The following MAGI2 variants were observed in gnomAD, a reference collection of about 807,000 sequenced individuals.
MAGI2 encodes the protein membrane associated guanylate kinase, WW and PDZ domain containing 2.
A neutral mutation model predicts 133.3 loss-of-function variants in MAGI2; 35 were observed. The ratio of observed to expected loss-of-function variants is 0.26; its 90% CI spans 0.20 to 0.35. MAGI2 has a LOEUF of 0.35. Among genes scored for constraint, MAGI2 ranks in the 10% least tolerant of loss-of-function variants. The pLI, the probability that MAGI2 is intolerant of heterozygous loss-of-function variation, is 1.00. For missense variants in MAGI2, 1,636 were observed against 1,863.4 expected (o/e 0.88, Z 2.25); for synonymous variants, 729 against 710.6 (o/e 1.03, Z -0.41).
At chr7:78,093,447 C>T (rs560760263) in intron 20 of MAGI2, among the ~76,000 whole-genome samples, 5 of 151,910 alleles carry the variant, frequency 3.3e-5, no homozygotes, top group African/African-American at 1.2e-4. Flanking sequence ...GAGTGAGACT[C>T]CTTCTCAAAA....
intron 1 of MAGI2, among the ~76,000 whole-genome samples, chr7:79,025,674 T>C (rs1326965150): frequency 6.6e-6 from 1 of 152,164 alleles, no homozygotes; most frequent in African/African-American, 2.4e-5. Flanking sequence ...GATTTCTTTA[T>C]CAGTCTTGTC....
chr7:78,405,925 T>TG (rs71085529), intron 6 of MAGI2, among the ~76,000 whole-genome samples: 137,532 of 151,970 alleles, frequency 0.9, 62,453 homozygotes, highest in African/African-American at 0.97. Flanking sequence ...TGATAACAAA[T>TG]TACTATAAAA....
chr7:78,571,191 T>G (rs1801461852), intron 3 of MAGI2, among the ~76,000 whole-genome samples: 1 of 152,180 alleles, frequency 6.6e-6, no homozygotes, highest in Admixed American at 6.5e-5. Flanking sequence ...TAAAGAAGCC[T>G]CTTAAGTTTC....
rs144770266 is a variant in MAGI2, at chr7:78,248,988, A to T, written c.2047+6955T>A. 8.1e-3 allele frequency among the ~76,000 whole-genome samples: 1,229 copies of T among 152,244 alleles called. 8 individuals carry two copies. The highest frequency in any genetic ancestry group is 0.028 in the African/African-American group (1,173 of 41,550). ...ACTACTCATCTGACAAGAAGTTAAT[A>T]TCCAAAATATACAAGGAACTCAAAC... On this transcript the variant is annotated intron_variant, in intron 10 of 21. Coordinates refer to ENST00000354212, the MANE Select transcript of MAGI2 (RefSeq NM_012301.4).
At chr7:79,403,044 G>A (rs867537268) in intron 1 of MAGI2, among the ~76,000 whole-genome samples, 5 of 152,140 alleles carry the variant, frequency 3.3e-5, no homozygotes, top group Non-Finnish European at 5.9e-5. Flanking sequence ...ACCATATAAA[G>A]TGCTTAGAAC....
chr7:78,843,337 ATC>A (rs1792308701), intron 2 of MAGI2, among the ~76,000 whole-genome samples: 1 of 151,834 alleles, frequency 6.6e-6, no homozygotes, highest in South Asian at 2.1e-4. Context: ...CCTTAATGAG[ATC>A]TGTTGTCTTT....
chr7:78,703,165 T>C (rs1171067439), intron 2 of MAGI2, among the ~76,000 whole-genome samples: 1 of 151,940 alleles, frequency 6.6e-6, no homozygotes, highest in African/African-American at 2.4e-5. Context: ...CCAAAGAAAA[T>C]ATTGAGTTAC....
intron 3 of MAGI2, among the ~76,000 whole-genome samples, chr7:78,564,697 G>C (rs1800749874): frequency 6.7e-6 from 1 of 149,210 alleles, no homozygotes; most frequent in South Asian, 2.1e-4. Context: ...AAGCATATGG[G>C]TTTGGCGATC....
At chr7:78,859,899 T>C (rs550668929) in intron 2 of MAGI2, among the ~76,000 whole-genome samples, 90 of 152,316 alleles carry the variant, frequency 5.9e-4, no homozygotes, top group African/African-American at 2.0e-3. Flanking sequence ...ATTTGGTCTT[T>C]TCACCTAGTC....
At chr7:79,288,367 AATTATT>A (rs1379836575) in intron 1 of MAGI2, among the ~76,000 whole-genome samples, 1 of 152,212 alleles carries the variant, frequency 6.6e-6, no homozygotes, top group African/African-American at 2.4e-5. Context: ...TGTCTATTAT[AATTATT>A]AACTATATAT....
chr7:78,483,942 T>C (rs1452809057), intron 6 of MAGI2, among the ~76,000 whole-genome samples: 2 of 151,968 alleles, frequency 1.3e-5, no homozygotes, highest in Admixed American at 6.6e-5. Flanking sequence ...TCCAAGGTGC[T>C]TTGCAAACAT....
At chr7:78,162,036 G>A (rs1825076311) in intron 15 of MAGI2, among the ~76,000 whole-genome samples, 2 of 152,098 alleles carry the variant, frequency 1.3e-5, no homozygotes, top group Admixed American at 1.3e-4. Context: ...ATCAGTCCTT[G>A]TACAAGTGGG....
chr7:79,263,732 A>AC (rs1834240946), intron 1 of MAGI2, among the ~76,000 whole-genome samples: 1 of 152,172 alleles, frequency 6.6e-6, no homozygotes, highest in Admixed American at 6.6e-5. Flanking sequence ...AGAAAAATAT[A>AC]TGCTGCTTTC....
intron 9 of MAGI2, among the ~76,000 whole-genome samples, chr7:78,294,126 G>C (rs936731510): frequency 6.6e-6 from 1 of 151,946 alleles, no homozygotes; most frequent in Non-Finnish European, 1.5e-5. Context: ...TTTCTTTAGG[G>C]CTTTGTAAAT....
intron 1 of MAGI2, among the ~76,000 whole-genome samples, chr7:79,120,966 G>T (rs1819842117): frequency 6.6e-6 from 1 of 152,044 alleles, no homozygotes; most frequent in Non-Finnish European, 1.5e-5. Flanking sequence ...CAGAAGAATG[G>T]CAGGATACTG....
At chr7:78,282,572 C>CCTGCCTTAGACTGTAAG (rs1268879916) in intron 9 of MAGI2, among the ~76,000 whole-genome samples, 1 of 151,974 alleles carries the variant, frequency 6.6e-6, no homozygotes, top group East Asian at 1.9e-4. Context: ...TTTGCTGACC[C>CCTGCCTTAGACTGTAAG]CTGCCTTAGA....
intron 2 of MAGI2, among the ~76,000 whole-genome samples, chr7:78,998,888 C>T (rs1052517109): frequency 6.6e-6 from 1 of 152,104 alleles, no homozygotes; most frequent in African/African-American, 2.4e-5. Flanking sequence ...CAGTGGTGTA[C>T]AGTAAGATGT....
chr7:78,901,672 C>CTT (rs35417082), intron 2 of MAGI2, among the ~76,000 whole-genome samples: 7 of 149,614 alleles, frequency 4.7e-5, no homozygotes, highest in African/African-American at 1.5e-4. Context: ...ATGAAATATA[C>CTT]TTTTTTTTTT....
chr7:79,063,281 C>T (rs1584827896), intron 1 of MAGI2, among the ~76,000 whole-genome samples: 1 of 151,994 alleles, frequency 6.6e-6, no homozygotes, highest in African/African-American at 2.4e-5. Context: ...TTATCATCAG[C>T]CAAATCAAAA....
Sources: allele counts gnomAD v4.1 joint callset (sites outside exome capture counted in the v4.1 genomes callset), GRCh38; gene constraint gnomAD v4.1.1; transcripts MANE v1.5; gene names NCBI Gene and HGNC (gene_info 2026-07-23, HGNC 2026-07-21).